The following NR6A1 variants were observed in gnomAD, a reference collection of about 807,000 sequenced individuals.
NR6A1 encodes the protein retinoic acid receptor-related testis-associated receptor.
NR6A1 carries 7 observed loss-of-function variants against 59.1 expected under a neutral mutation model. That is an observed-to-expected ratio of 0.12 (90% CI 0.07 to 0.22). The LOEUF is 0.22. Among genes scored for constraint, NR6A1 ranks in the 10% least tolerant of loss-of-function variants. The pLI, the probability that NR6A1 is intolerant of heterozygous loss-of-function variation, is 1.00. For missense variants in NR6A1, 468 were observed against 611.6 expected (o/e 0.77, Z 2.48); for synonymous variants, 243 against 236.1 (o/e 1.03, Z -0.27).
At chr9:124,525,869 C>T (rs2131320357) in intron 8 of NR6A1, among the ~76,000 whole-genome samples, 1 of 152,290 alleles carries the variant, frequency 6.6e-6, no homozygotes, top group African/African-American at 2.4e-5. Context: ...CAAGTGCCAT[C>T]AGAATGTATA....
At chr9:124,641,782 G>A (rs140054906) in intron 2 of NR6A1, among the ~76,000 whole-genome samples, 164 of 152,296 alleles carry the variant, frequency 1.1e-3, no homozygotes, top group African/African-American at 3.5e-3. Context: ...GCCAGGCTGG[G>A]AAACTAAAGC....
intron 3 of NR6A1, among the ~76,000 whole-genome samples, chr9:124,553,438 T>A (rs992901357): frequency 1.3e-5 from 2 of 152,034 alleles, no homozygotes; most frequent in African/African-American, 4.8e-5. Context: ...TCTTTATGCA[T>A]CCTTCTCAGG....
chr9:124,744,761 G>C (rs775478793), intron 1 of NR6A1, among the ~76,000 whole-genome samples: 6 of 152,192 alleles, frequency 3.9e-5, no homozygotes, highest in Admixed American at 3.9e-4. Context: ...AAGTCTTACT[G>C]ATCAAGGAGT....
chr9:124,746,345 T>G (rs892414216), intron 1 of NR6A1, among the ~76,000 whole-genome samples: 15 of 152,208 alleles, frequency 9.9e-5, no homozygotes, highest in African/African-American at 3.4e-4. Flanking sequence ...TCCCAGCACT[T>G]TGGGAGGCCC....
intron 2 of NR6A1, among the ~76,000 whole-genome samples, chr9:124,646,470 C>T (rs1332794599): frequency 1.3e-5 from 2 of 152,006 alleles, no homozygotes; most frequent in African/African-American, 2.4e-5. Context: ...AAATAGGGGA[C>T]CTCACTATGG....
intron 2 of NR6A1, among the ~76,000 whole-genome samples, chr9:124,588,309 T>C (rs1834993254): frequency 6.6e-6 from 1 of 151,882 alleles, no homozygotes. Flanking sequence ...TAAAGGAACC[T>C]AGATCTAGAA....
intron 2 of NR6A1, among the ~76,000 whole-genome samples, chr9:124,705,651 A>G (rs1443402023): frequency 1.3e-5 from 2 of 152,000 alleles, no homozygotes; most frequent in Non-Finnish European, 2.9e-5. Flanking sequence ...TGGTACATTC[A>G]CATTTAATAT....
chr9:124,570,497 C>T (rs1834408570), intron 2 of NR6A1, among the ~76,000 whole-genome samples: 1 of 152,210 alleles, frequency 6.6e-6, no homozygotes, highest in South Asian at 2.1e-4. Context: ...AGGAAAAAGG[C>T]TACTCCATCA....
At chr9:124,724,534 C>CAA (rs778956782) in intron 2 of NR6A1, among the ~76,000 whole-genome samples, 6 of 127,212 alleles carry the variant, frequency 4.7e-5, no homozygotes, top group Admixed American at 7.9e-5. Context: ...TAGCACATAC[C>CAA]AAAAAAAAAA....
At chr9:124,632,798 T>A (rs566285746) in intron 2 of NR6A1, among the ~76,000 whole-genome samples, 2 of 152,328 alleles carry the variant, frequency 1.3e-5, no homozygotes, top group Admixed American at 6.5e-5. Context: ...AATAAAAAGA[T>A]GCAATGTGAT....
At chr9:124,705,696 C>T (rs147890579) in intron 2 of NR6A1, among the ~76,000 whole-genome samples, 1 of 151,902 alleles carries the variant, frequency 6.6e-6, no homozygotes, top group East Asian at 1.9e-4. Flanking sequence ...TGCTATTTTG[C>T]TATTTTTGTC....
chr9:124,585,915 TA>T (rs1834917005), intron 2 of NR6A1, among the ~76,000 whole-genome samples: 1 of 152,164 alleles, frequency 6.6e-6, no homozygotes, highest in Non-Finnish European at 1.5e-5. Flanking sequence ...CATGTATGTT[TA>T]TAGAATGGTT....
At chr9:124,747,190 T>TTC (rs1329161330) in intron 1 of NR6A1, among the ~76,000 whole-genome samples, 3 of 148,998 alleles carry the variant, frequency 2.0e-5, no homozygotes, top group Non-Finnish European at 4.5e-5. Context: ...TGTCTGACTT[T>TTC]TTTTTTTTTT....
At chr9:124,701,858 G>A (rs1235449795) in intron 2 of NR6A1, among the ~76,000 whole-genome samples, 1 of 151,948 alleles carries the variant, frequency 6.6e-6, no homozygotes, top group Non-Finnish European at 1.5e-5. Context: ...CGAGTAGCTG[G>A]GATTACAGGC....
At chr9:124,582,974 C>CA in intron 2 of NR6A1, among the ~76,000 whole-genome samples, 1 of 152,218 alleles carries the variant, frequency 6.6e-6, no homozygotes, top group African/African-American at 2.4e-5. Context: ...CCCTTCCCCC[C>CA]CAAAGCACTC....
Position 124,749,106 on chromosome 9 carries a change from T to C in NR6A1, c.101-15757A>G, listed in dbSNP as rs1333542459. Reference sequence around the variant, plus strand: ...GGAGAAACTCCATCTCTACTAAAAATACAAAATTAGCCGAGTGTAGTGGCG... The same window carrying C: ...GGAGAAACTCCATCTCTACTAAAAACACAAAATTAGCCGAGTGTAGTGGCG... On this transcript the variant is annotated intron_variant, in intron 1 of 9. Transcript: ENST00000487099. 2.0e-5 allele frequency among the ~76,000 whole-genome samples: 3 copies of C among 151,342 alleles called. No homozygotes were observed. In the South Asian group the frequency reaches 6.3e-4, roughly 32 times the overall value.
chr9:124,551,701 C>T (rs1290335663), intron 3 of NR6A1, among the ~76,000 whole-genome samples: 1 of 152,206 alleles, frequency 6.6e-6, no homozygotes, highest in African/African-American at 2.4e-5. Context: ...AGTGTGCATT[C>T]TTTCTCTCTG....
intron 2 of NR6A1, among the ~76,000 whole-genome samples, chr9:124,574,826 T>C (rs1834543168): frequency 6.6e-6 from 1 of 152,352 alleles, no homozygotes; most frequent in Admixed American, 6.5e-5. Flanking sequence ...TTTTGGATAC[T>C]ACGTTTTAAA....
In NR6A1 at chr9:124,603,158, AT is replaced by A. The variant is rs539823139; in HGVS notation, c.143-48589del. 1.4e-3 allele frequency among the ~76,000 whole-genome samples: 212 copies of A among 152,212 alleles called. 1 individual carries two copies. The highest frequency in any genetic ancestry group is 4.8e-3 in the African/African-American group (199 of 41,524). On this transcript the variant is annotated intron_variant, in intron 2 of 9. Transcript: ENST00000487099. ...ACTACGACATTACTCATCACGTAGT[AT>A]TTTTATTTTACAATTCTATCCTTTC...
Sources: gnomAD v4.1 joint callset for allele counts (sites outside exome capture counted in the v4.1 genomes callset) on GRCh38, gnomAD v4.1.1 for gene constraint, MANE v1.5 for transcripts, NCBI Gene and HGNC (gene_info 2026-07-23, HGNC 2026-07-21) for gene names.